USP20: variants seen among roughly 807,000 people sequenced by gnomAD.
USP20 encodes ubiquitin specific peptidase 20, also known as ubiquitin carboxyl-terminal hydrolase 20.
In USP20, 80 loss-of-function variants were observed where a neutral mutation model predicts 124.2. That is an observed-to-expected ratio of 0.64 (90% CI 0.54 to 0.78). The LOEUF is 0.78. USP20 is among the 30% of genes least tolerant of loss of function. The probability of loss-of-function intolerance (pLI) is 0.00; values close to 1 mark genes in which losing one functional copy is unlikely to be tolerated. For missense variants in USP20, 1,043 were observed against 1,244.4 expected (o/e 0.84, Z 2.44); for synonymous variants, 481 against 512.3 (o/e 0.94, Z 0.83).
chr9:129,875,742 C>A, intron 21 of USP20, 101 bp downstream of exon 21: 1 of 1,169,628 alleles, frequency 8.5e-7, no homozygotes, highest in Non-Finnish European at 1.2e-6. Flanking sequence ...GACCCCACAC[C>A]ACACTCTGGC....
intron 1 of USP20, among the ~76,000 whole-genome samples, chr9:129,845,204 C>G (rs1306296829): frequency 2.0e-5 from 3 of 152,116 alleles, no homozygotes; most frequent in Non-Finnish European, 4.4e-5. Flanking sequence ...CCCACCCCTT[C>G]TCTGAAAACC....
chr9:129,854,191 C>T (rs1269136350), intron 3 of USP20, among the ~76,000 whole-genome samples: 2 of 152,214 alleles, frequency 1.3e-5, no homozygotes, highest in African/African-American at 2.4e-5. Flanking sequence ...ATGGGCCACT[C>T]ACGTTGTGGT....
chr9:129,863,704 A>G (rs1308773082), intron 9 of USP20, among the ~76,000 whole-genome samples: 3 of 152,180 alleles, frequency 2.0e-5, no homozygotes, highest in African/African-American at 7.2e-5. Flanking sequence ...TATGAAATTA[A>G]TTTAAAGATC....
rs764238706 is a variant in USP20, at chr9:129,863,313, T to A, written c.611+14T>A. 6 of 1,536,564 alleles carry A rather than the reference T, an allele frequency of 3.9e-6. No homozygotes were observed. The highest frequency in any genetic ancestry group is 5.3e-6 in the Non-Finnish European group (6 of 1,134,942). ...GCATAAGAAACGGTGAGCAGCTGCA[T>A]CCCTAGCCTTGGGCGGTGTGTGGGG... On this transcript the variant is annotated intron_variant, in intron 9 of 25. Coordinates refer to ENST00000372429, the MANE Select transcript of USP20 (RefSeq NM_001110303.4).
chr9:129,860,982 G>A lies in USP20; in HGVS notation c.376G>A (p.Val126Met), dbSNP rs763548623. Residue 126 changes from valine (V) to methionine (M), a missense_variant, in exon 7 of 26, where the codon GTG becomes ATG. Val to Met is a conservative substitution (Grantham distance 21). Coordinates refer to ENST00000372429, the MANE Select transcript of USP20 (RefSeq NM_001110303.4). ...CCCTCTGAAAGCTGTTCCTATTGCTGTGGCTGATGAAGGAGAGTCTGAGTC... is the reference window on the plus strand; with the variant it reads ...CCCTCTGAAAGCTGTTCCTATTGCTATGGCTGATGAAGGAGAGTCTGAGTC... The part of the protein sequence containing the change: ...SHPLKAVPIA[V>M]ADEGESESED... 1.2e-5 allele frequency: 20 copies of A among 1,613,988 alleles called. No homozygotes were observed. The South Asian group carries it at 2.1e-4, about 17-fold the overall frequency.
chr9:129,844,623 CAAA>C (rs1191781066), intron 1 of USP20, among the ~76,000 whole-genome samples: 77 of 72,402 alleles, frequency 1.1e-3, no homozygotes, highest in Non-Finnish European at 1.2e-3. Flanking sequence ...GACTCTGTCT[CAAA>C]AAAAAAAAAA....
chr9:129,846,245 A>AT (rs1169724263), intron 1 of USP20, among the ~76,000 whole-genome samples: 6,862 of 42,548 alleles, frequency 0.16, 911 homozygotes, highest in Non-Finnish European at 0.22. Flanking sequence ...ATATATATAT[A>AT]TATTTTTTTT....
intron 14 of USP20, 114 bp from the exon 15 acceptor site, chr9:129,870,338 TG>T: frequency 8.6e-7 from 1 of 1,159,854 alleles, no homozygotes; most frequent in Non-Finnish European, 1.3e-6. Context: ...GCTGCTTCTC[TG>T]GGCCTTCAGG....
chr9:129,874,302 C>T (rs892644317), intron 17 of USP20, among the ~76,000 whole-genome samples: 1 of 152,148 alleles, frequency 6.6e-6, no homozygotes, highest in Non-Finnish European at 1.5e-5. Context: ...TGTGGTGGCT[C>T]GGGGAGGCTT....
At position 129,865,283 on chromosome 9, in the gene USP20, T is replaced by G; in HGVS notation, c.612-20T>G. 1.2e-6 allele frequency: 2 copies of G among 1,613,834 alleles called. No individual in the cohort carries two copies. The highest frequency in any genetic ancestry group is 1.7e-6 in the Non-Finnish European group (2 of 1,179,734). Reference sequence around the variant, plus strand: ...GCTCAAGGCAGGCTACCTGGACTAATGGGTTTGGGCTTCCTACAGGCCAAG... The same window carrying G: ...GCTCAAGGCAGGCTACCTGGACTAAGGGGTTTGGGCTTCCTACAGGCCAAG... On this transcript the variant is annotated intron_variant, in intron 9 of 25. Transcript: ENST00000372429.
Position 129,871,113 on chromosome 9 carries a change from C to G in USP20, c.1660+566C>G, listed in dbSNP as rs185318487. Among the ~76,000 whole-genome samples the G allele has an allele frequency of 8.5e-5, 13 of 152,248 alleles. No homozygotes were observed. The East Asian group carries it at 2.1e-3, about 25-fold the overall frequency. The stretch of plus-strand genomic sequence containing the variant: ...TGCACATGGTCACGCAGCCATCCTC[C>G]CCATTCATCTCCAGAACTTTTACAT... On this transcript the variant is annotated intron_variant, in intron 15 of 25. Transcript: ENST00000372429.
chr9:129,879,139 C>G lies in USP20; in HGVS notation c.2513-434C>G, dbSNP rs1051854763. Among the ~76,000 whole-genome samples the G allele has an allele frequency of 6.6e-6, 1 of 152,230 alleles. No individual in the cohort carries two copies. Among genetic ancestry groups the G allele is most frequent in the Non-Finnish European group, 1.5e-5 (1 of 68,044 alleles). On this transcript the variant is annotated intron_variant, in intron 23 of 25. Transcript: ENST00000372429. This position sits in a 1 kb window ranked among gnomAD's most constrained non-coding sequence, Gnocchi z 4.2. ...GTGGTTGAGAATGTAGCTCCGGAGC[C>G]CTCGCCCTGGCCTGGACGCTGGCCT...
rs766695416 is a variant in USP20 at position 129,880,237 on chromosome 9, G to C, written c.2709G>C (p.Gly903=). The C allele has an allele frequency of 1.7e-5, 27 of 1,612,148 alleles. No homozygotes were observed. The highest frequency in any genetic ancestry group is 2.2e-5 in the Non-Finnish European group (26 of 1,179,548). ...CGCTGGGCCCAGAGAACCTGCACGG[G>C]GAGCAGAAGATCGAAGCCGAGACGC... ...AQPLGPENLH[G]EQKIEAETRA... is the part of the protein sequence containing the mutation. Residue 903 remains glycine (G), a synonymous_variant, in exon 25 of 26, where the codon GGG becomes GGC. Coordinates refer to ENST00000372429, the MANE Select transcript of USP20 (RefSeq NM_001110303.4).
intron 1 of USP20, among the ~76,000 whole-genome samples, chr9:129,838,858 C>T (rs2032028696): frequency 6.6e-6 from 1 of 152,214 alleles, no homozygotes; most frequent in Non-Finnish European, 1.5e-5. Flanking sequence ...AAACCCACGC[C>T]TTCTCCAATT....
intron 2 of USP20, among the ~76,000 whole-genome samples, chr9:129,850,217 TC>T (rs1554743707): frequency 6.6e-6 from 1 of 152,086 alleles, no homozygotes; most frequent in Non-Finnish European, 1.5e-5. Flanking sequence ...CTTTGTTTTT[TC>T]CTTTTTTTTC....
At chr9:129,872,722 ATACAT>A (rs1208628849) in intron 15 of USP20, among the ~76,000 whole-genome samples, 2 of 152,098 alleles carry the variant, frequency 1.3e-5, no homozygotes, top group Non-Finnish European at 2.9e-5. Flanking sequence ...GGGGGAAACT[ATACAT>A]TAAGATTTTA....
chr9:129,863,201 GTTC>G lies in USP20; in HGVS notation c.519_521del (p.Phe173del). ...CTGCACCCAGCCCGCCGCTGACTCA[GTTC>G]TTCTTGGAGTGTGGCGGCCTGGTGC... On this transcript the variant is annotated inframe_deletion, in exon 9 of 26. Transcript: ENST00000372429. 1.3e-6 allele frequency: 2 copies of G among 1,539,978 alleles called. No individual in the cohort carries two copies. Among genetic ancestry groups the G allele is most frequent in the Non-Finnish European group, 1.8e-6 (2 of 1,137,776 alleles).
chr9:129,867,777 G>A (rs2033891548), intron 10 of USP20, among the ~76,000 whole-genome samples: 2 of 152,222 alleles, frequency 1.3e-5, no homozygotes, highest in African/African-American at 2.4e-5. Flanking sequence ...CTAGCTGTGT[G>A]TCCTGGTAGG....
intron 15 of USP20, among the ~76,000 whole-genome samples, chr9:129,871,780 G>A (rs1421780882): frequency 6.6e-6 from 1 of 152,204 alleles, no homozygotes. Context: ...GCAATGGCAT[G>A]ATCTCGGCTT....
Sources: gnomAD v4.1 joint callset for allele counts (sites outside exome capture counted in the v4.1 genomes callset) on GRCh38, gnomAD v4.1.1 for gene constraint, Gnocchi (gnomAD v3.1) non-coding constraint, MANE v1.5 for transcripts, NCBI Gene and HGNC (gene_info 2026-07-23, HGNC 2026-07-21) for gene names.